Variants in SLC17A5 observed in about 807,000 individuals in gnomAD.
SLC17A5 encodes solute carrier family 17 member 5.
In SLC17A5, 47 loss-of-function variants were observed where a neutral mutation model predicts 59.4. The ratio of observed to expected loss-of-function variants is 0.79; its 90% CI spans 0.63 to 1.01. SLC17A5 has a LOEUF of 1.01. SLC17A5 is among the 50% of genes least tolerant of loss of function. The probability of loss-of-function intolerance (pLI) is 0.00; values close to 1 mark genes in which losing one functional copy is unlikely to be tolerated. For missense variants in SLC17A5, 522 were observed against 595.5 expected, an observed-to-expected ratio of 0.88 and a Z score of 1.28; for synonymous variants, 202 against 210.7, an observed-to-expected ratio of 0.96 and a Z score of 0.36.
chr6:73,602,040 G>A (rs75486254), intron 9 of SLC17A5, among the ~76,000 whole-genome samples: 20 of 151,712 alleles, frequency 1.3e-4, no homozygotes, highest in East Asian at 3.9e-4. Context: ...GATGGTTGCC[G>A]TGTCTGTGTA....
chr6:73,595,934 ATATATATATATATAC>A (rs1226490275), intron 10 of SLC17A5, among the ~76,000 whole-genome samples: 12 of 1,068 alleles, frequency 0.011, no homozygotes, highest in Admixed American at 0.094. Context: ...ATACATATAC[ATATATATATATATAC>A]GTATATATAT....
chr6:73,595,266 A>G (rs1203842226), intron 10 of SLC17A5, 52 bp from the exon 11 acceptor site: 1 of 1,597,432 alleles, frequency 6.3e-7, no homozygotes, highest in East Asian at 2.2e-5. Flanking sequence ...TGTGTAGTTC[A>G]CTTCATTAAA....
chr6:73,653,958 C>A lies in SLC17A5; in HGVS notation c.-72G>T. On this transcript the variant is annotated 5_prime_UTR_variant, in exon 1 of 11. Coordinates refer to ENST00000355773, the MANE Select transcript of SLC17A5 (RefSeq NM_012434.5). ...CGCCGGCCCGACAGCCCGAAGCCCC[C>A]GGGCCGAGCTGGCTGGACCGGGCGG... The A allele has an allele frequency of 1.5e-6, 2 of 1,330,232 alleles. No homozygotes were observed. The highest frequency in any genetic ancestry group is 2.1e-6 in the Non-Finnish European group (2 of 963,380). The allele number at this position is 1,330,232 out of a possible 1,614,324, so 82.4% of individuals were successfully genotyped here.
intron 7 of SLC17A5, among the ~76,000 whole-genome samples, chr6:73,617,352 C>T (rs657212): frequency 0.16 from 24,570 of 151,652 alleles, 3,046 homozygotes; most frequent in African/African-American, 0.34. Context: ...GACTTCTGCA[C>T]GGTGGGATCA....
At chr6:73,611,214 T>C (rs944295629) in intron 8 of SLC17A5, among the ~76,000 whole-genome samples, 7 of 152,182 alleles carry the variant, frequency 4.6e-5, no homozygotes, top group Non-Finnish European at 7.3e-5. Context: ...ACCACTGCAC[T>C]CCAGCCTGGG....
chr6:73,651,731 A>ACGG (rs1208699761), intron 1 of SLC17A5, among the ~76,000 whole-genome samples: 1 of 151,670 alleles, frequency 6.6e-6, no homozygotes, highest in Non-Finnish European at 1.5e-5. Context: ...TTTAGTAGGG[A>ACGG]CGGCGTTTCA....
rs191575485 is a variant in SLC17A5 at position 73,607,638 on chromosome 6, T to A, written c.1259+2762A>T. Among the ~76,000 whole-genome samples the A allele has an allele frequency of 1.1e-3, 173 of 152,250 alleles. 3 individuals are homozygous for A. Among genetic ancestry groups the A allele is most frequent in the Admixed American group, 0.011 (166 of 15,278 alleles). ...TAGTTCAAGAGAGCAGGGGGGGCCCTCATCAGATTCCAGAGATTCTAATAA... is the reference window on the plus strand; with the variant it reads ...TAGTTCAAGAGAGCAGGGGGGGCCCACATCAGATTCCAGAGATTCTAATAA... On this transcript the variant is annotated intron_variant, in intron 9 of 10. Coordinates refer to ENST00000355773, the MANE Select transcript of SLC17A5 (RefSeq NM_012434.5).
chr6:73,600,041 G>A (rs1372382461), intron 10 of SLC17A5, among the ~76,000 whole-genome samples: 2 of 152,106 alleles, frequency 1.3e-5, no homozygotes, highest in African/African-American at 2.4e-5. Flanking sequence ...TGATCCACCT[G>A]CCTCGGCCTC....
chr6:73,644,716 C>T (rs1769457553), intron 1 of SLC17A5, 113 bp from the exon 2 acceptor site: 1 of 946,436 alleles, frequency 1.1e-6, no homozygotes, highest in East Asian at 2.7e-5. Flanking sequence ...AAGCCATCCA[C>T]CCACCTCAGC....
chr6:73,618,849 C>T (rs1449297489), intron 7 of SLC17A5, among the ~76,000 whole-genome samples: 6 of 152,184 alleles, frequency 3.9e-5, no homozygotes, highest in African/African-American at 7.2e-5. Context: ...CTCAGTCTCC[C>T]GAGGTGCTGG....
chr6:73,650,910 T>G (rs571276760), intron 1 of SLC17A5, among the ~76,000 whole-genome samples: 1 of 152,324 alleles, frequency 6.6e-6, no homozygotes, highest in East Asian at 1.9e-4. Context: ...TCTACACTTG[T>G]ATTCTACTTA....
At chr6:73,613,387 A>G (rs1034328299) in intron 8 of SLC17A5, among the ~76,000 whole-genome samples, 2 of 150,942 alleles carry the variant, frequency 1.3e-5, no homozygotes, top group Admixed American at 6.6e-5. Context: ...TTTTTTTGAG[A>G]CAGGATCTCA....
chr6:73,641,327 C>A (rs573695888), intron 3 of SLC17A5, among the ~76,000 whole-genome samples: 2 of 152,290 alleles, frequency 1.3e-5, no homozygotes, highest in Admixed American at 6.5e-5. Context: ...GATCCACCTA[C>A]CTTGGCCTCC....
chr6:73,641,328 C>A (rs541067346), intron 3 of SLC17A5, among the ~76,000 whole-genome samples: 2 of 152,276 alleles, frequency 1.3e-5, no homozygotes, highest in Admixed American at 6.5e-5. Flanking sequence ...ATCCACCTAC[C>A]TTGGCCTCCC....
At chr6:73,599,309 T>G (rs1400153683) in intron 10 of SLC17A5, among the ~76,000 whole-genome samples, 1 of 152,182 alleles carries the variant, frequency 6.6e-6, no homozygotes, top group East Asian at 1.9e-4. Context: ...AACCCTGGGC[T>G]TATGCATCCA....
At chr6:73,627,579 C>T (rs6930349) in intron 6 of SLC17A5, among the ~76,000 whole-genome samples, 3,898 of 151,630 alleles carry the variant, frequency 0.026, 155 homozygotes, top group African/African-American at 0.089. Flanking sequence ...CACATACTCT[C>T]GATGGCTTCA....
At chr6:73,599,955 C>T (rs1032630893) in intron 10 of SLC17A5, among the ~76,000 whole-genome samples, 1 of 152,072 alleles carries the variant, frequency 6.6e-6, no homozygotes, top group Admixed American at 6.6e-5. Flanking sequence ...TGCCACCACA[C>T]CGGCTAATTT....
chr6:73,642,445 T>C (rs1206105486), intron 2 of SLC17A5, among the ~76,000 whole-genome samples: 2 of 152,224 alleles, frequency 1.3e-5, no homozygotes, highest in East Asian at 1.9e-4. Flanking sequence ...GGAAATGAAA[T>C]AGGCACATAA....
At chr6:73,623,337 C>T (rs980977616) in intron 6 of SLC17A5, among the ~76,000 whole-genome samples, 2 of 149,966 alleles carry the variant, frequency 1.3e-5, no homozygotes, top group Non-Finnish European at 3.0e-5. Context: ...CTGCACCTGG[C>T]CTATGTATTT....
Sources: gnomAD v4.1 joint callset for allele counts (sites outside exome capture counted in the v4.1 genomes callset) on GRCh38, gnomAD v4.1.1 for gene constraint, MANE v1.5 for transcripts, NCBI Gene and HGNC (gene_info 2026-07-23, HGNC 2026-07-21) for gene names.